GIGYF2: variants seen among roughly 807,000 people sequenced by gnomAD.
GIGYF2 encodes the protein GRB10 interacting GYF protein 2.
GIGYF2 carries 25 observed loss-of-function variants against 208.1 expected under a neutral mutation model. That is an observed-to-expected ratio of 0.12 (90% CI 0.09 to 0.17). The LOEUF (loss-of-function observed/expected upper bound fraction) is 0.17, where lower values mean the gene tolerates loss of function less well. Among genes scored for constraint, GIGYF2 ranks in the 10% least tolerant of loss-of-function variants. The pLI is 1.00. For missense variants in GIGYF2, 1,302 were observed against 1,579.4 expected (o/e 0.82, Z 2.98); for synonymous variants, 534 against 543.8 (o/e 0.98, Z 0.25).
intron 2 of GIGYF2, among the ~76,000 whole-genome samples, chr2:232,732,004 G>A (rs550368144): frequency 1.3e-5 from 2 of 152,322 alleles, no homozygotes; most frequent in East Asian, 3.9e-4. Flanking sequence ...ATAGTCGTAA[G>A]ATTTCTGGGT....
intron 8 of GIGYF2, among the ~76,000 whole-genome samples, chr2:232,784,386 CTTTTTT>C (rs10645449): frequency 1.1e-5 from 1 of 92,312 alleles, no homozygotes; most frequent in South Asian, 3.8e-4. Context: ...GAAATAATTT[CTTTTTT>C]TTTTTTTTTT....
chr2:232,822,365 A>G (rs1348217943), intron 21 of GIGYF2, among the ~76,000 whole-genome samples: 2 of 151,270 alleles, frequency 1.3e-5, no homozygotes, highest in Non-Finnish European at 2.9e-5. Flanking sequence ...CTTTTTTGCT[A>G]TTATGAGTGG....
At chr2:232,844,019 C>T (rs757913218) in intron 23 of GIGYF2, 27 bp from the exon 24 acceptor site, 25 of 1,606,544 alleles carry the variant, frequency 1.6e-5, no homozygotes, top group East Asian at 2.2e-5. Context: ...CAGGAATCCT[C>T]AGCTAGCTTC....
chr2:232,770,084 A>C (rs1271928770), intron 8 of GIGYF2, among the ~76,000 whole-genome samples: 1 of 152,206 alleles, frequency 6.6e-6, no homozygotes, highest in African/African-American at 2.4e-5. Context: ...TTGTATGCAA[A>C]GGACTGACCC....
intron 2 of GIGYF2, among the ~76,000 whole-genome samples, chr2:232,726,848 T>C (rs1054344706): frequency 6.6e-6 from 1 of 152,252 alleles, no homozygotes; most frequent in Non-Finnish European, 1.5e-5. Flanking sequence ...ACTGTGATTT[T>C]ACAAGTCTGT....
chr2:232,724,031 G>C lies in GIGYF2; in HGVS notation c.-43-11124G>C, dbSNP rs534252771. Among the ~76,000 whole-genome samples the C allele has an allele frequency of 2.0e-5, 3 of 151,068 alleles. No homozygotes were observed. In the South Asian group the frequency reaches 6.3e-4, roughly 32 times the overall value. ...TTACGGGTATGAGCCACTGCGCCCAGCCTTCCACAGCTAAGATTCTTATTT... is the reference window on the plus strand; with the variant it reads ...TTACGGGTATGAGCCACTGCGCCCACCCTTCCACAGCTAAGATTCTTATTT... On this transcript the variant is annotated intron_variant, in intron 2 of 28. Transcript: ENST00000373563.
chr2:232,848,301 G>C (rs1360305153), intron 27 of GIGYF2, among the ~76,000 whole-genome samples: 1 of 152,134 alleles, frequency 6.6e-6, no homozygotes, highest in Non-Finnish European at 1.5e-5. Context: ...GCCTTCCTGT[G>C]CTTAGGAACA....
chr2:232,855,844 C>T (rs922298031), intron 28 of GIGYF2, among the ~76,000 whole-genome samples: 1 of 152,162 alleles, frequency 6.6e-6, no homozygotes, highest in South Asian at 2.1e-4. Context: ...AACTTTCCTC[C>T]AGGGCCAGCC....
Position 232,844,424 on chromosome 2 carries a change from GTCC to G in GIGYF2, c.3160_3162del (p.Pro1054del). On this transcript the variant is annotated inframe_deletion, in exon 25 of 29. Transcript: ENST00000373563. Reference sequence around the variant, plus strand: ...TCTGTTTGGGGCTCTATAAATACTGGTCCTCCTAACCAGTGGGCATCTGACCTA... The same window carrying G: ...TCTGTTTGGGGCTCTATAAATACTGGTCCTAACCAGTGGGCATCTGACCTA... The G allele has an allele frequency of 6.2e-7, 1 of 1,613,628 alleles. No homozygotes were observed. The highest frequency in any genetic ancestry group is 8.5e-7 in the Non-Finnish European group (1 of 1,179,610).
At chr2:232,704,854 G>C (rs1279526508) in intron 2 of GIGYF2, among the ~76,000 whole-genome samples, 1 of 94,020 alleles carries the variant, frequency 1.1e-5, no homozygotes, top group African/African-American at 4.2e-5. Context: ...TTTAACTTCT[G>C]GATTTTTTTT....
At chr2:232,712,664 A>G (rs369479817) in intron 2 of GIGYF2, among the ~76,000 whole-genome samples, 3 of 152,224 alleles carry the variant, frequency 2.0e-5, no homozygotes, top group East Asian at 1.9e-4. Flanking sequence ...TGAGATCACA[A>G]TAGTATTTTA....
chr2:232,809,316 G>A (rs908935406), intron 15 of GIGYF2, among the ~76,000 whole-genome samples: 1 of 152,098 alleles, frequency 6.6e-6, no homozygotes, highest in Non-Finnish European at 1.5e-5. Flanking sequence ...ATAAAATTCT[G>A]TAACATTTCC....
intron 8 of GIGYF2, among the ~76,000 whole-genome samples, chr2:232,780,777 C>T (rs1365529467): frequency 6.6e-6 from 1 of 152,086 alleles, no homozygotes; most frequent in African/African-American, 2.4e-5. Flanking sequence ...ATGGTGCTGA[C>T]GTTACAGAAG....
chr2:232,847,504 A>T lies in GIGYF2; in HGVS notation c.3617A>T (p.Gln1206Leu). Residue 1206 changes from glutamine (Q) to leucine (L), a missense_variant, in exon 27 of 29, where the codon CAG becomes CTG. Transcript: ENST00000373563. ...CAGAAAGCCAACCAGCAGCGTCAGC[A>T]GCAGCAGCTGCCACAGCAGCAGCAG... Reference protein sequence around the residue: ...AKQKANQQRQQQQLPQQQQQQ... With the variant: ...AKQKANQQRQLQQLPQQQQQQ... The T allele has an allele frequency of 1.4e-6, 2 of 1,396,456 alleles. No individual in the cohort carries two copies. The highest frequency in any genetic ancestry group is 2.0e-6 in the Non-Finnish European group (2 of 1,013,434). The allele number at this position is 1,396,456 out of a possible 1,614,324, so 86.5% of individuals were successfully genotyped here. A position where few individuals can be genotyped will look rare whatever the true frequency, so the allele number is the denominator to read the frequency against.
At chr2:232,827,057 A>C (rs985372310) in intron 21 of GIGYF2, among the ~76,000 whole-genome samples, 1 of 152,200 alleles carries the variant, frequency 6.6e-6, no homozygotes, top group African/African-American at 2.4e-5. Flanking sequence ...TCTTAGCTAG[A>C]GAGGAGAACT....
chr2:232,756,195 C>CTTTTTT (rs1698531070), intron 5 of GIGYF2, 28 bp from the exon 6 acceptor site: 4 of 1,023,946 alleles, frequency 3.9e-6, no homozygotes, highest in Admixed American at 2.5e-5. Context: ...TTTCCTTTTT[C>CTTTTTT]TCTTTTTTTT....
intron 2 of GIGYF2, among the ~76,000 whole-genome samples, chr2:232,720,908 T>C (rs990019003): frequency 1.3e-5 from 2 of 152,302 alleles, no homozygotes; most frequent in Middle Eastern, 3.4e-3. Context: ...CTCAGCTGTT[T>C]TTAAGTCAAG....
At chr2:232,733,586 C>T (rs1018654302) in intron 2 of GIGYF2, among the ~76,000 whole-genome samples, 2 of 152,062 alleles carry the variant, frequency 1.3e-5, no homozygotes, top group African/African-American at 4.8e-5. Flanking sequence ...TCCCCAGTGC[C>T]GTGTGTGATG....
chr2:232,708,904 C>T (rs569560048), intron 2 of GIGYF2, among the ~76,000 whole-genome samples: 1 of 149,348 alleles, frequency 6.7e-6, no homozygotes, highest in Non-Finnish European at 1.5e-5. Context: ...GGTGGATCAC[C>T]TGAGGTCAAG....
Sources: allele counts gnomAD v4.1 joint callset (sites outside exome capture counted in the v4.1 genomes callset), GRCh38; gene constraint gnomAD v4.1.1; transcripts MANE v1.5; gene names NCBI Gene and HGNC (gene_info 2026-07-23, HGNC 2026-07-21).